PCDHA2: variants seen among roughly 807,000 people sequenced by gnomAD.
PCDHA2 encodes the protein protocadherin alpha 2, also known as protocadherin alpha-2.
PCDHA2 carries 58 observed loss-of-function variants against 66.0 expected under a neutral mutation model. That is an observed-to-expected ratio of 0.88 (90% confidence interval 0.71 to 1.09). The LOEUF is 1.09. PCDHA2 is among the 50% of genes least tolerant of loss of function. The probability of loss-of-function intolerance (pLI) is 0.00; values close to 1 mark genes in which losing one functional copy is unlikely to be tolerated. For synonymous variants in PCDHA2, 634 were observed against 554.0 expected (o/e 1.14, Z -2.03); for missense variants, 1,267 against 1,242.3 (o/e 1.02, Z -0.30).
intron 1 of PCDHA2, chr5:140,930,569 A>G (rs1448447791): frequency 6.6e-6 from 1 of 152,542 alleles, no homozygotes; most frequent in Non-Finnish European, 1.5e-5. Flanking sequence ...AAGCAATTCT[A>G]CGGTATTACT....
chr5:140,803,320 C>T (rs782343160), intron 1 of PCDHA2: 1 of 1,614,148 alleles, frequency 6.2e-7, no homozygotes, highest in South Asian at 1.1e-5. Context: ...TGCGCGGTGT[C>T]CAGTCTGTTG....
chr5:140,929,681 A>C, intron 1 of PCDHA2: 1 of 302,408 alleles, frequency 3.3e-6, no homozygotes. Flanking sequence ...AAAAATATGT[A>C]AGAGTCTGCT....
At chr5:141,004,117 G>A (rs2098153806) in intron 3 of PCDHA2, among the ~76,000 whole-genome samples, 1 of 152,236 alleles carries the variant, frequency 6.6e-6, no homozygotes. Flanking sequence ...TCAAAAGGGA[G>A]TATCTCCATG....
At chr5:140,910,074 G>T (rs2074869064) in intron 1 of PCDHA2, among the ~76,000 whole-genome samples, 1 of 152,162 alleles carries the variant, frequency 6.6e-6, no homozygotes, top group South Asian at 2.1e-4. Context: ...AGCGTAAATT[G>T]TTGTCAAGGG....
chr5:140,854,300 G>A lies in PCDHA2; in HGVS notation c.2388+56948G>A, dbSNP rs193127815. The A allele has an allele frequency of 1.0e-3, 435 of 414,882 alleles. 8 individuals are homozygous for A. Among genetic ancestry groups the A allele is most frequent in the African/African-American group, 1.4e-3 (63 of 46,296 alleles). The allele number at this position is 414,882 out of a possible 1,614,324, so 25.7% of individuals were successfully genotyped here. The stretch of plus-strand genomic sequence containing the variant: ...GAGTTTAGTTTTTATTATTTTGTGC[G>A]TGGAGATGATTGATCAATGGCAAAC... On this transcript the variant is annotated intron_variant, in intron 1 of 3. Coordinates refer to ENST00000526136, the MANE Select transcript of PCDHA2 (RefSeq NM_018905.3).
intron 1 of PCDHA2, chr5:140,834,661 A>G (rs1200683987): frequency 6.2e-7 from 1 of 1,614,098 alleles, no homozygotes; most frequent in Non-Finnish European, 8.5e-7. Flanking sequence ...ATCGACCGCG[A>G]GGAGCTGTGC....
chr5:140,957,100 T>C (rs2095333217), intron 1 of PCDHA2, among the ~76,000 whole-genome samples: 1 of 152,328 alleles, frequency 6.6e-6, no homozygotes, highest in Non-Finnish European at 1.5e-5. Flanking sequence ...AATATTGCTA[T>C]GGACATGATT....
rs142471747 is a variant in PCDHA2 at position 140,940,002 on chromosome 5, C to T, written c.2389-38947C>T. On this transcript the variant is annotated intron_variant, in intron 1 of 3. Transcript: ENST00000526136. ...TGAATTGTTTCTCCTTGGATTTTGT[C>T]AATTTTTTGTGTCATATGTTTTAAG... Among the ~76,000 whole-genome samples the T allele has an allele frequency of 5.4e-3, 828 of 152,138 alleles. 3 individuals carry two copies. The highest frequency in any genetic ancestry group is 0.019 in the African/African-American group (797 of 41,516).
chr5:140,918,625 C>T (rs1365715302), intron 1 of PCDHA2, among the ~76,000 whole-genome samples: 2 of 152,086 alleles, frequency 1.3e-5, no homozygotes, highest in Non-Finnish European at 2.9e-5. Context: ...TTTGTGTTCC[C>T]CAAATTCATA....
At chr5:140,928,639 G>A in intron 1 of PCDHA2, 1 of 1,614,218 alleles carries the variant, frequency 6.2e-7, no homozygotes, top group Non-Finnish European at 8.5e-7. Context: ...GGTCACAAAA[G>A]TGGTAGCAGA....
chr5:140,941,639 TC>T (rs2093135030), intron 1 of PCDHA2, among the ~76,000 whole-genome samples: 1 of 152,044 alleles, frequency 6.6e-6, no homozygotes, highest in Non-Finnish European at 1.5e-5. Context: ...ATTTCTGTCT[TC>T]CTACAACTTA....
intron 1 of PCDHA2, among the ~76,000 whole-genome samples, chr5:140,976,091 C>CAACTTTTCAA (rs2096700073): frequency 6.6e-6 from 1 of 152,166 alleles, no homozygotes; most frequent in Non-Finnish European, 1.5e-5. Flanking sequence ...TATCAGTAGT[C>CAACTTTTCAA]AACTTTTCAA....
At chr5:141,006,328 C>CA (rs1258327155) in intron 3 of PCDHA2, among the ~76,000 whole-genome samples, 12 of 152,060 alleles carry the variant, frequency 7.9e-5, no homozygotes, top group Non-Finnish European at 1.6e-4. Flanking sequence ...TCTCCTGCCT[C>CA]AGCCTCCTGA....
chr5:140,807,090 A>T, intron 1 of PCDHA2: 1 of 1,361,346 alleles, frequency 7.3e-7, no homozygotes, highest in Non-Finnish European at 1.0e-6. Context: ...TGGAGTCTGA[A>T]ATATGGAGGA....
chr5:140,836,539 C>T (rs782621405), intron 1 of PCDHA2: 2 of 1,613,800 alleles, frequency 1.2e-6, no homozygotes, highest in South Asian at 1.1e-5. Flanking sequence ...CTGCTGTACA[C>T]GGCGTTGCGG....
chr5:140,805,104 T>C, intron 1 of PCDHA2: 1 of 1,591,546 alleles, frequency 6.3e-7, no homozygotes, highest in East Asian at 2.2e-5. Context: ...CTTGAAACTA[T>C]TGTCTAACAA....
chr5:141,008,670 A>G (rs1375302412), intron 3 of PCDHA2, among the ~76,000 whole-genome samples: 1 of 152,218 alleles, frequency 6.6e-6, no homozygotes, highest in Non-Finnish European at 1.5e-5. Flanking sequence ...TACTTTACAT[A>G]TACTTTAGTT....
intron 1 of PCDHA2, chr5:140,835,483 C>G: frequency 3.1e-6 from 5 of 1,613,956 alleles, no homozygotes; most frequent in Non-Finnish European, 4.2e-6. Context: ...CAACCAGGTA[C>G]CGTCATCACA....
intron 1 of PCDHA2, among the ~76,000 whole-genome samples, chr5:140,901,632 G>A (rs768343428): frequency 6.6e-5 from 10 of 152,172 alleles, no homozygotes; most frequent in Non-Finnish European, 1.3e-4. Flanking sequence ...GTCAGGTAAT[G>A]TGATTCTTCC....
Sources: allele counts gnomAD v4.1 joint callset (sites outside exome capture counted in the v4.1 genomes callset), GRCh38; gene constraint gnomAD v4.1.1; transcripts MANE v1.5; gene names NCBI Gene and HGNC (gene_info 2026-07-23, HGNC 2026-07-21).